Variants in MACROD2 observed in about 807,000 individuals in gnomAD.
MACROD2 encodes the protein ADP-ribose glycohydrolase MACROD2.
A neutral mutation model predicts 70.4 loss-of-function variants in MACROD2; 36 were observed. That is an observed-to-expected ratio of 0.51 (90% confidence interval 0.39 to 0.68). MACROD2 has a LOEUF of 0.68. MACROD2 is among the 30% of genes least tolerant of loss of function. The pLI, the probability that MACROD2 is intolerant of heterozygous loss-of-function variation, is 0.00. For missense variants in MACROD2, 496 were observed against 538.4 expected (o/e 0.92, Z 0.78); for synonymous variants, 172 against 178.8 (o/e 0.96, Z 0.30).
chr20:15,336,640 C>CT (rs11087131), intron 6 of MACROD2, among the ~76,000 whole-genome samples: 123,916 of 151,420 alleles, frequency 0.82, 51,070 homozygotes, highest in East Asian at 0.95. Flanking sequence ...AAAAGTCTTG[C>CT]TCTTCAGAAT....
chr20:15,442,149 A>T (rs1018832794), intron 7 of MACROD2, among the ~76,000 whole-genome samples: 1 of 152,158 alleles, frequency 6.6e-6, no homozygotes, highest in African/African-American at 2.4e-5. Context: ...AGCCCTCTTC[A>T]AAAAGAACTT....
intron 5 of MACROD2, among the ~76,000 whole-genome samples, chr20:14,802,546 T>A (rs2122144903): frequency 6.6e-6 from 1 of 152,194 alleles, no homozygotes; most frequent in Non-Finnish European, 1.5e-5. Context: ...AATTTAGACA[T>A]ATCTAGTGTA....
chr20:14,696,332 T>C (rs1331156499), intron 5 of MACROD2, among the ~76,000 whole-genome samples: 1 of 152,184 alleles, frequency 6.6e-6, no homozygotes, highest in Non-Finnish European at 1.5e-5. Flanking sequence ...AGTCTTTACC[T>C]TTGCCACTCA....
intron 3 of MACROD2, among the ~76,000 whole-genome samples, chr20:14,168,959 A>G (rs1046986815): frequency 1.3e-5 from 2 of 152,194 alleles, no homozygotes; most frequent in Non-Finnish European, 2.9e-5. Context: ...TCCTCAATGA[A>G]ATACTAGCTA....
At chr20:15,035,627 C>CCATAGCAAGGTA (rs1417589466) in intron 5 of MACROD2, among the ~76,000 whole-genome samples, 1 of 152,132 alleles carries the variant, frequency 6.6e-6, no homozygotes, top group Non-Finnish European at 1.5e-5. Context: ...GTCACTGAGG[C>CCATAGCAAGGTA]TCCTACTTGA....
At chr20:15,536,806 A>G (rs1239987325) in intron 8 of MACROD2, among the ~76,000 whole-genome samples, 1 of 152,172 alleles carries the variant, frequency 6.6e-6, no homozygotes, top group Non-Finnish European at 1.5e-5. Context: ...TTCTCTTTTT[A>G]GTATTTTTAT....
rs2072292139 is a variant in MACROD2 at position 14,780,870 on chromosome 20, T to G, written c.418+95911T>G. Reference sequence around the variant, plus strand: ...TTAAAGATAGCTGAACTTTATTGATTCAAATACTAAAACTTTTACAAAGAA... The same window carrying G: ...TTAAAGATAGCTGAACTTTATTGATGCAAATACTAAAACTTTTACAAAGAA... On this transcript the variant is annotated intron_variant, in intron 5 of 17. Transcript: ENST00000684519. Among the ~76,000 whole-genome samples, 3 of 152,252 alleles carry G rather than the reference T, an allele frequency of 2.0e-5. No individual in the cohort carries two copies. The South Asian group carries it at 6.2e-4, about 32-fold the overall frequency.
At chr20:14,795,320 A>G (rs1162668137) in intron 5 of MACROD2, among the ~76,000 whole-genome samples, 1 of 152,118 alleles carries the variant, frequency 6.6e-6, no homozygotes, top group Non-Finnish European at 1.5e-5. Flanking sequence ...GTATGAGGAG[A>G]AGAAAGCCAG....
intron 4 of MACROD2, among the ~76,000 whole-genome samples, chr20:14,516,768 G>C (rs1043373249): frequency 6.6e-6 from 1 of 152,008 alleles, no homozygotes; most frequent in African/African-American, 2.4e-5. Context: ...TACAGAATGG[G>C]AGAAAATTTT....
At chr20:15,862,131 TTTAC>T (rs1326721403) in intron 8 of MACROD2, among the ~76,000 whole-genome samples, 2 of 152,210 alleles carry the variant, frequency 1.3e-5, no homozygotes, top group African/African-American at 4.8e-5. Flanking sequence ...TGAGGTGGCA[TTTAC>T]TTATTCAATA....
chr20:15,079,920 T>A (rs1253759312), intron 5 of MACROD2, among the ~76,000 whole-genome samples: 1 of 152,022 alleles, frequency 6.6e-6, no homozygotes, highest in African/African-American at 2.4e-5. Context: ...GTTTTCAACT[T>A]TCCCCAGAGA....
intron 5 of MACROD2, among the ~76,000 whole-genome samples, chr20:14,757,292 T>C (rs959184788): frequency 2.6e-5 from 4 of 152,084 alleles, no homozygotes; most frequent in Non-Finnish European, 2.9e-5. Context: ...TAACAGTAAA[T>C]TAAAATCTTA....
At chr20:15,743,316 A>G (rs2051132492) in intron 8 of MACROD2, among the ~76,000 whole-genome samples, 2 of 152,202 alleles carry the variant, frequency 1.3e-5, no homozygotes, top group South Asian at 2.1e-4. Context: ...TCACTTGGCT[A>G]TAGATTCATC....
At chr20:14,736,605 A>G (rs2071667989) in intron 5 of MACROD2, among the ~76,000 whole-genome samples, 1 of 152,176 alleles carries the variant, frequency 6.6e-6, no homozygotes, top group African/African-American at 2.4e-5. Context: ...AGTGATAATC[A>G]TAGATAATGA....
intron 8 of MACROD2, among the ~76,000 whole-genome samples, chr20:15,546,806 G>T (rs552125537): frequency 6.6e-6 from 1 of 152,090 alleles, no homozygotes; most frequent in Non-Finnish European, 1.5e-5. Flanking sequence ...ACCACGTGAC[G>T]CTTGACATCT....
At chr20:14,094,257 G>C (rs2054192398) in intron 3 of MACROD2, among the ~76,000 whole-genome samples, 1 of 152,112 alleles carries the variant, frequency 6.6e-6, no homozygotes, top group South Asian at 2.1e-4. Context: ...GATGATTCTT[G>C]GATGATTATG....
At chr20:15,442,727 T>C (rs1215162947) in intron 7 of MACROD2, among the ~76,000 whole-genome samples, 1 of 152,124 alleles carries the variant, frequency 6.6e-6, no homozygotes, top group Non-Finnish European at 1.5e-5. Flanking sequence ...GACTTCCAGA[T>C]ATTTACCACC....
At chr20:14,639,577 G>A (rs777115001) in intron 4 of MACROD2, among the ~76,000 whole-genome samples, 2 of 152,054 alleles carry the variant, frequency 1.3e-5, no homozygotes, top group Non-Finnish European at 1.5e-5. Context: ...ATACACATAC[G>A]CAATTCAGTG....
chr20:14,832,731 A>G (rs1430004112), intron 5 of MACROD2, among the ~76,000 whole-genome samples: 3 of 152,144 alleles, frequency 2.0e-5, no homozygotes, highest in Non-Finnish European at 4.4e-5. Context: ...TCTTAATTTC[A>G]GTTCCCTCAC....
Sources: allele counts gnomAD v4.1 joint callset (sites outside exome capture counted in the v4.1 genomes callset), GRCh38; gene constraint gnomAD v4.1.1; transcripts MANE v1.5; gene names NCBI Gene and HGNC (gene_info 2026-07-23, HGNC 2026-07-21).